Variants in CUL2 observed in about 807,000 individuals in gnomAD.
CUL2 encodes the protein cullin-2.
Under a neutral mutation model 110.2 loss-of-function variants are expected in CUL2, and 22 were observed. That is an observed-to-expected ratio of 0.20 (90% CI 0.14 to 0.28). The LOEUF is 0.28. CUL2 is among the 10% of genes least tolerant of loss of function. CUL2 has a pLI of 1.00. For synonymous variants in CUL2, 279 were observed against 293.2 expected, an observed-to-expected ratio of 0.95 and a Z score of 0.49; for missense variants, 631 against 905.5, an observed-to-expected ratio of 0.70 and a Z score of 3.89.
intron 5 of CUL2, among the ~76,000 whole-genome samples, chr10:35,051,996 GC>G (rs1348807496): frequency 6.6e-6 from 1 of 152,100 alleles, no homozygotes; most frequent in Non-Finnish European, 1.5e-5. Flanking sequence ...GTCCTACTCT[GC>G]CTTCCAAGTT....
At chr10:35,024,529 G>C (rs2085289443) in intron 17 of CUL2, among the ~76,000 whole-genome samples, 1 of 152,186 alleles carries the variant, frequency 6.6e-6, no homozygotes, top group Admixed American at 6.5e-5. Context: ...TCAAGTGTCT[G>C]CTTTGGCTTA....
chr10:35,054,133 C>T (rs2086183471), intron 5 of CUL2, among the ~76,000 whole-genome samples: 1 of 152,112 alleles, frequency 6.6e-6, no homozygotes, highest in African/African-American at 2.4e-5. Flanking sequence ...TACTTGTCCC[C>T]TGCACTTTTT....
intron 17 of CUL2, among the ~76,000 whole-genome samples, chr10:35,021,425 A>T (rs1014015200): frequency 6.6e-6 from 1 of 151,422 alleles, no homozygotes; most frequent in African/African-American, 2.4e-5. Context: ...ATTTTTTTAT[A>T]TATGTATGTA....
chr10:35,021,924 G>GT (rs2085211290), intron 17 of CUL2, among the ~76,000 whole-genome samples: 1 of 149,616 alleles, frequency 6.7e-6, no homozygotes, highest in South Asian at 2.1e-4. Flanking sequence ...AGTGGGGCGA[G>GT]GGGGCACCCG....
Position 35,068,453 on chromosome 10 carries a change from G to A in CUL2, c.119+2746C>T, listed in dbSNP as rs531629643. Among the ~76,000 whole-genome samples the A allele has an allele frequency of 2.0e-5, 3 of 152,170 alleles. No individual in the cohort carries two copies. In the South Asian group the frequency reaches 6.2e-4, roughly 32 times the overall value. On this transcript the variant is annotated intron_variant, in intron 2 of 20. Transcript: ENST00000374749. Reference sequence around the variant, plus strand: ...AAAAAAAGAACCACAAAAACAACAGGCACAAAAATCAAGATAGTAGTTAGC... The same window carrying A: ...AAAAAAAGAACCACAAAAACAACAGACACAAAAATCAAGATAGTAGTTAGC...
In CUL2 at chr10:35,069,207, G is replaced by T. The variant is rs77565138; in HGVS notation, c.119+1992C>A. On this transcript the variant is annotated intron_variant, in intron 2 of 20. Coordinates refer to ENST00000374749, the MANE Select transcript of CUL2 (RefSeq NM_003591.4). ...TTATTTTTGCAGACTTTTTATTTTG[G>T]GGGTGAGAGAAAATTCATGATCAGG... Among the ~76,000 whole-genome samples the T allele has an allele frequency of 6.2e-3, 936 of 151,922 alleles. 12 individuals carry two copies. The highest frequency in any genetic ancestry group is 0.021 in the African/African-American group (888 of 41,416).
chr10:35,074,373 A>G lies in CUL2; in HGVS notation c.-22-3034T>C, dbSNP rs888443660. On this transcript the variant is annotated intron_variant, in intron 1 of 20. Transcript: ENST00000374749. ...TCTCTCTGCTTAGAGATCACTGAACACATCAGCCTGATTCATACACTTGCC... is the reference window on the plus strand; with the variant it reads ...TCTCTCTGCTTAGAGATCACTGAACGCATCAGCCTGATTCATACACTTGCC... 12 of 663,114 alleles carry G rather than the reference A, an allele frequency of 1.8e-5. No individual in the cohort carries two copies. In the African/African-American group the frequency reaches 2.2e-4, roughly 12 times the overall value. 41.1% of individuals were successfully genotyped at this position (663,114 alleles called of 1,614,324 possible).
chr10:35,107,488 G>A (rs1398686495), intron 1 of CUL2, among the ~76,000 whole-genome samples: 1 of 152,128 alleles, frequency 6.6e-6, no homozygotes, highest in African/African-American at 2.4e-5. Flanking sequence ...GAGAAGTAGG[G>A]ACACAGAAAT....
At chr10:35,040,806 T>TAG (rs1218272041) in intron 8 of CUL2, among the ~76,000 whole-genome samples, 3 of 152,168 alleles carry the variant, frequency 2.0e-5, no homozygotes, top group Non-Finnish European at 4.4e-5. Context: ...TAGATTCTTC[T>TAG]AAAGAGCGCA....
chr10:35,039,686 G>A (rs372812629), intron 8 of CUL2, among the ~76,000 whole-genome samples: 2 of 152,042 alleles, frequency 1.3e-5, no homozygotes, highest in African/African-American at 2.4e-5. Flanking sequence ...CCAATATGGC[G>A]AAACCCTGTC....
rs2085473216 is a variant in CUL2, at chr10:35,031,242, T to C, written c.1386+58A>G. The stretch of plus-strand genomic sequence containing the variant: ...ACTGTACACAATGCTGCAATGAACA[T>C]CTTTATGTGCTTGTGAATGAATTTC... On this transcript the variant is annotated intron_variant, in intron 14 of 20. Transcript: ENST00000374749. The surrounding 1 kb of genome is among the most constrained non-coding windows in gnomAD (Gnocchi z 4.4). 2.7e-6 allele frequency: 3 copies of C among 1,102,376 alleles called. No individual in the cohort carries two copies. Among genetic ancestry groups the C allele is most frequent in the South Asian group, 1.5e-5 (1 of 68,054 alleles). 68.3% of individuals were successfully genotyped at this position (1,102,376 alleles called of 1,614,324 possible).
intron 17 of CUL2, among the ~76,000 whole-genome samples, chr10:35,021,460 TAC>T (rs562193794): frequency 1.4e-5 from 2 of 140,730 alleles, no homozygotes; most frequent in East Asian, 2.0e-4. Context: ...CACACATACA[TAC>T]ACACACACAA....
chr10:35,082,444 G>A (rs1227149808), intron 1 of CUL2, among the ~76,000 whole-genome samples: 1 of 152,126 alleles, frequency 6.6e-6, no homozygotes, highest in Admixed American at 6.6e-5. Context: ...TTTCTGTCTA[G>A]TAACGAAAAA....
chr10:35,064,635 T>C (rs371080445), intron 2 of CUL2, among the ~76,000 whole-genome samples: 3 of 152,288 alleles, frequency 2.0e-5, no homozygotes, highest in East Asian at 3.9e-4. Flanking sequence ...CTCTCCACAT[T>C]TATTTACTTA....
chr10:35,011,713 TTAAG>T (rs2084906762), intron 20 of CUL2, 131 bp downstream of exon 20: 1 of 581,504 alleles, frequency 1.7e-6, no homozygotes, highest in Admixed American at 2.6e-5. Flanking sequence ...ACGATTCTGA[TTAAG>T]TATGAAACAT....
intron 20 of CUL2, 83 bp downstream of exon 20, chr10:35,011,765 C>G (rs1018707768): frequency 8.7e-6 from 6 of 687,674 alleles, no homozygotes; most frequent in Non-Finnish European, 1.5e-5. Flanking sequence ...ATTTCTGTAT[C>G]CTCTTTAAGA....
chr10:35,077,314 A>G (rs183953625), intron 1 of CUL2, among the ~76,000 whole-genome samples: 4,485 of 146,686 alleles, frequency 0.031, 221 homozygotes, highest in African/African-American at 0.1. Context: ...ACAAAAAACA[A>G]AAACAAACAA....
At chr10:35,119,396 A>T (rs2087647497) in intron 1 of CUL2, among the ~76,000 whole-genome samples, 1 of 152,178 alleles carries the variant, frequency 6.6e-6, no homozygotes, top group South Asian at 2.1e-4. Flanking sequence ...TGCTTGAGCC[A>T]TATAATTTTA....
At chr10:35,109,830 G>A (rs2135126489) in intron 1 of CUL2, among the ~76,000 whole-genome samples, 1 of 152,338 alleles carries the variant, frequency 6.6e-6, no homozygotes, top group East Asian at 1.9e-4. Context: ...GGAAGTCACT[G>A]GAGGTTTTTA....
Sources: allele counts gnomAD v4.1 joint callset (sites outside exome capture counted in the v4.1 genomes callset), GRCh38; gene constraint gnomAD v4.1.1; non-coding constraint Gnocchi (gnomAD v3.1); transcripts MANE v1.5; gene names NCBI Gene and HGNC (gene_info 2026-07-23, HGNC 2026-07-21).